SEC14L1: variants seen among roughly 807,000 people sequenced by gnomAD.
SEC14L1 encodes SEC14 like lipid binding 1.
A neutral mutation model predicts 85.3 loss-of-function variants in SEC14L1; 48 were observed. The ratio of observed to expected loss-of-function variants is 0.56; its 90% CI spans 0.45 to 0.72. The LOEUF (loss-of-function observed/expected upper bound fraction) is 0.72. SEC14L1 is among the 30% of genes least tolerant of loss of function. The probability of loss-of-function intolerance (pLI) is 0.00; values close to 1 mark genes in which losing one functional copy is unlikely to be tolerated. For synonymous variants in SEC14L1, 391 were observed against 355.5 expected (o/e 1.10, Z -1.12); for missense variants, 682 against 921.4 (o/e 0.74, Z 3.36).
intron 3 of SEC14L1, among the ~76,000 whole-genome samples, chr17:77,158,889 G>A (rs548982741): frequency 8.4e-6 from 1 of 119,012 alleles, no homozygotes; most frequent in Non-Finnish European, 1.6e-5. Context: ...TCGACTCACT[G>A]CAACCTCCAC....
At position 77,213,743 on chromosome 17, in the gene SEC14L1, G is replaced by A. The variant is rs1252781360; in HGVS notation, c.2043-175G>A. 3 of 915,430 alleles carry A rather than the reference G, an allele frequency of 3.3e-6. No homozygotes were observed. The highest frequency in any genetic ancestry group is 2.0e-5 in the Admixed American group (1 of 50,522). The allele number at this position is 915,430 out of a possible 1,614,324, so 56.7% of individuals were successfully genotyped here. A position where few individuals can be genotyped will look rare whatever the true frequency, so the allele number is the denominator to read the frequency against. On this transcript the variant is annotated intron_variant, in intron 16 of 16. Transcript: ENST00000436233. The surrounding 1 kb of genome is among the most constrained non-coding windows in gnomAD (Gnocchi z 7.1). ...TCACACTGCCGTCTGCGTGCAGGCT[G>A]TGGGAAGCCGGTCCCCCTGGTGGGT...
chr17:77,167,001 C>A (rs1251600458), intron 3 of SEC14L1, among the ~76,000 whole-genome samples: 1 of 152,188 alleles, frequency 6.6e-6, no homozygotes, highest in Non-Finnish European at 1.5e-5. Context: ...GAAAGCTCTT[C>A]ATGGGTAGGA....
rs1397415331 is a variant in SEC14L1 at position 77,215,711 on chromosome 17, C to T, written c.*1688C>T. On this transcript the variant is annotated 3_prime_UTR_variant, in exon 17 of 17. Transcript: ENST00000436233. The stretch of plus-strand genomic sequence containing the variant: ...ACCTGAAGCCTTTGCTTCCGGAAAG[C>T]GCGGTAGGGTTCGTAGGTAGGGCTA... The T allele has an allele frequency of 1.1e-5, 11 of 993,968 alleles. No homozygotes were observed. The Admixed American group carries it at 3.5e-4, about 32-fold the overall frequency. 61.6% of individuals were successfully genotyped at this position (993,968 alleles called of 1,614,324 possible). A position where few individuals can be genotyped will look rare whatever the true frequency, so the allele number is the denominator to read the frequency against.
intron 3 of SEC14L1, among the ~76,000 whole-genome samples, chr17:77,118,121 T>C (rs1200344344): frequency 1.3e-5 from 2 of 152,254 alleles, no homozygotes; most frequent in Non-Finnish European, 2.9e-5. Flanking sequence ...TTCATGCCAG[T>C]GTCCCAGTAG....
chr17:77,145,232 G>T (rs771551797), intron 3 of SEC14L1, among the ~76,000 whole-genome samples: 19 of 152,048 alleles, frequency 1.2e-4, no homozygotes, highest in Admixed American at 5.9e-4. Context: ...GCCCTCAGGT[G>T]ATCCTCCTGC....
chr17:77,191,252 T>A lies in SEC14L1; in HGVS notation c.285T>A (p.Ile95=), dbSNP rs1352371708. 6.2e-7 allele frequency: 1 copy of A among 1,614,008 alleles called. No homozygotes were observed. Among genetic ancestry groups the A allele is most frequent in the Non-Finnish European group, 8.5e-7 (1 of 1,179,888 alleles). ...ATTCTCGGGAACGTACTTTGCACATTGAGGCTTATAATGAAACGTTTTCCA... is the reference window on the plus strand; with the variant it reads ...ATTCTCGGGAACGTACTTTGCACATAGAGGCTTATAATGAAACGTTTTCCA... ...SLNSRERTLH[I]EAYNETFSNR... Residue 95 remains isoleucine, a synonymous_variant, in exon 5 of 17, where the codon ATT becomes ATA. Coordinates refer to ENST00000436233, the MANE Select transcript of SEC14L1 (RefSeq NM_001143998.2).
At chr17:77,145,395 A>G (rs1973256374) in intron 3 of SEC14L1, among the ~76,000 whole-genome samples, 1 of 152,130 alleles carries the variant, frequency 6.6e-6, no homozygotes, top group African/African-American at 2.4e-5. Flanking sequence ...GGACATTTGA[A>G]TCCATCCCCC....
intron 3 of SEC14L1, among the ~76,000 whole-genome samples, chr17:77,127,322 CT>C (rs1972479489): frequency 6.6e-6 from 1 of 151,930 alleles, no homozygotes; most frequent in Non-Finnish European, 1.5e-5. Context: ...GAACTCATTC[CT>C]TTTTATGGTT....
rs116039025 is a variant in SEC14L1 at position 77,206,636 on chromosome 17, C to A, written c.1342-92C>A. On this transcript the variant is annotated intron_variant, in intron 12 of 16. Transcript: ENST00000436233. The surrounding 1 kb of genome is among the most constrained non-coding windows in gnomAD (Gnocchi z 4.3). Reference sequence around the variant, plus strand: ...TATATAAACTTGAATGTCTTCCCCCCACCCTCCCACTCAGAATACCACATT... The same window carrying A: ...TATATAAACTTGAATGTCTTCCCCCAACCCTCCCACTCAGAATACCACATT... 2.5e-3 allele frequency: 3,605 copies of A among 1,445,650 alleles called. 65 individuals are homozygous for A. The African/African-American group carries it at 0.044, about 18-fold the overall frequency. The allele number at this position is 1,445,650 out of a possible 1,614,324, so 89.6% of individuals were successfully genotyped here.
chr17:77,196,366 A>T, intron 8 of SEC14L1, 55 bp downstream of exon 8: 1 of 1,057,000 alleles, frequency 9.5e-7, no homozygotes, highest in Non-Finnish European at 1.4e-6. Flanking sequence ...GAAATCATGG[A>T]ATCTCTTTCT....
At chr17:77,126,328 G>C (rs1330308908) in intron 3 of SEC14L1, among the ~76,000 whole-genome samples, 2 of 152,228 alleles carry the variant, frequency 1.3e-5, no homozygotes, top group Non-Finnish European at 2.9e-5. Flanking sequence ...CTAGCACAGG[G>C]CCTGGGCCTG....
At chr17:77,098,107 T>C (rs1440340867) in intron 3 of SEC14L1, among the ~76,000 whole-genome samples, 1 of 152,210 alleles carries the variant, frequency 6.6e-6, no homozygotes, top group East Asian at 1.9e-4. Flanking sequence ...GTGGGACTTC[T>C]GCCTTTTCTC....
intron 3 of SEC14L1, among the ~76,000 whole-genome samples, chr17:77,164,483 GC>G (rs973234513): frequency 1.3e-5 from 2 of 152,110 alleles, no homozygotes; most frequent in Non-Finnish European, 2.9e-5. Flanking sequence ...TTTTCCCAGC[GC>G]TCCCCCTTTG....
chr17:77,149,065 A>T (rs1018364559), intron 3 of SEC14L1, among the ~76,000 whole-genome samples: 1 of 151,998 alleles, frequency 6.6e-6, no homozygotes, highest in Non-Finnish European at 1.5e-5. Context: ...CTGTCTCTCC[A>T]GATCTTACCC....
intron 3 of SEC14L1, among the ~76,000 whole-genome samples, chr17:77,096,257 T>C (rs983010493): frequency 8.6e-5 from 13 of 151,724 alleles, no homozygotes; most frequent in African/African-American, 3.1e-4. Flanking sequence ...AAGTTGTATT[T>C]AAGGTTAAAA....
chr17:77,100,208 T>C (rs773240289), intron 3 of SEC14L1, among the ~76,000 whole-genome samples: 2 of 152,190 alleles, frequency 1.3e-5, no homozygotes, highest in Non-Finnish European at 2.9e-5. Flanking sequence ...TCCTGGTAGA[T>C]GTGGACTGAC....
rs1238638225 is a variant in SEC14L1 at position 77,216,526 on chromosome 17, C to T, written c.*2503C>T. On this transcript the variant is annotated 3_prime_UTR_variant, in exon 17 of 17. Coordinates refer to ENST00000436233, the MANE Select transcript of SEC14L1 (RefSeq NM_001143998.2). ...GGCCTGAAGGTGGTCCCTGCTTTCT[C>T]TTTCTCTTTCTCTGTGTCTCAGATG... 1.2e-6 allele frequency: 2 copies of T among 1,613,054 alleles called. No homozygotes were observed. The highest frequency in any genetic ancestry group is 1.3e-5 in the African/African-American group (1 of 74,762).
At chr17:77,194,163 T>C (rs1254742081) in intron 6 of SEC14L1, among the ~76,000 whole-genome samples, 1 of 152,232 alleles carries the variant, frequency 6.6e-6, no homozygotes, top group Non-Finnish European at 1.5e-5. Context: ...TCCTAAACCT[T>C]GGAAAATAAC....
Position 77,205,305 on chromosome 17 carries a change from G to A in SEC14L1, c.1128G>A (p.Arg376=). ...YVLSINEEGL[R]RCEENTKVFG... is the part of the protein sequence containing the mutation. ...TCTCCATAAATGAAGAAGGGCTAAGGCGATGCGAAGAGAATACAAAAGTCT... is the reference window on the plus strand; with the variant it reads ...TCTCCATAAATGAAGAAGGGCTAAGACGATGCGAAGAGAATACAAAAGTCT... The change falls in exon 11 of 17, where the codon AGG becomes AGA. Residue 376 remains arginine, a synonymous_variant. Coordinates refer to ENST00000436233, the MANE Select transcript of SEC14L1 (RefSeq NM_001143998.2). 6.2e-7 allele frequency: 1 copy of A among 1,614,154 alleles called. No homozygotes were observed. The highest frequency in any genetic ancestry group is 8.5e-7 in the Non-Finnish European group (1 of 1,180,018).
Sources: allele counts gnomAD v4.1 joint callset (sites outside exome capture counted in the v4.1 genomes callset), GRCh38; gene constraint gnomAD v4.1.1; non-coding constraint Gnocchi (gnomAD v3.1); transcripts MANE v1.5; gene names NCBI Gene and HGNC (gene_info 2026-07-23, HGNC 2026-07-21).